The following TNKS variants were observed in gnomAD, a reference collection of about 807,000 sequenced individuals.
The protein encoded by TNKS is tankyrase.
TNKS carries 72 observed loss-of-function variants against 135.8 expected under a neutral mutation model. The observed-to-expected ratio is 0.53, with a 90% CI of 0.44 to 0.64. The LOEUF is 0.64. Ranked by LOEUF, TNKS falls within the 30% of genes least tolerant of loss-of-function variation. The probability of loss-of-function intolerance (pLI) is 0.00; values close to 1 mark genes in which losing one functional copy is unlikely to be tolerated. For missense variants in TNKS, 1,769 were observed against 1,674.0 expected (o/e 1.06, Z -0.99); for synonymous variants, 849 against 649.3 (o/e 1.31, Z -4.68).
At chr8:9,753,333 C>G (rs1247697157) in intron 20 of TNKS, among the ~76,000 whole-genome samples, 8 of 152,270 alleles carry the variant, frequency 5.3e-5, no homozygotes, top group African/African-American at 2.4e-5. Flanking sequence ...AGTACTTAGA[C>G]AACTGCACTT....
At chr8:9,591,207 A>G (rs775438627) in intron 2 of TNKS, among the ~76,000 whole-genome samples, 4 of 152,178 alleles carry the variant, frequency 2.6e-5, no homozygotes, top group Non-Finnish European at 5.9e-5. Flanking sequence ...CCTTTCGTGT[A>G]TGATTCTAGT....
At chr8:9,580,753 T>A (rs1448687204) in intron 2 of TNKS, among the ~76,000 whole-genome samples, 1 of 152,168 alleles carries the variant, frequency 6.6e-6, no homozygotes, top group South Asian at 2.1e-4. Flanking sequence ...ACACTTGAGG[T>A]TGATTCAAGG....
chr8:9,773,564 G>C (rs1808060424), intron 26 of TNKS, among the ~76,000 whole-genome samples: 2 of 152,076 alleles, frequency 1.3e-5, no homozygotes, highest in East Asian at 3.9e-4. Flanking sequence ...TCATAATTGG[G>C]TACAAAGAAA....
intron 3 of TNKS, among the ~76,000 whole-genome samples, chr8:9,664,069 C>G (rs554963850): frequency 2.7e-4 from 41 of 152,328 alleles, no homozygotes; most frequent in African/African-American, 9.9e-4. Flanking sequence ...CATCAGTCGT[C>G]TCATTATATC....
chr8:9,632,739 T>C (rs562687199), intron 3 of TNKS, among the ~76,000 whole-genome samples: 1 of 152,346 alleles, frequency 6.6e-6, no homozygotes, highest in East Asian at 1.9e-4. Flanking sequence ...TATTGTTCTT[T>C]CCTTTTTTGA....
chr8:9,678,339 T>C (rs1802635981), intron 3 of TNKS, among the ~76,000 whole-genome samples: 1 of 152,172 alleles, frequency 6.6e-6, no homozygotes, highest in Admixed American at 6.5e-5. Flanking sequence ...TTAACAAAGG[T>C]AGGTCTTGGG....
chr8:9,643,388 G>A (rs1800792338), intron 3 of TNKS, among the ~76,000 whole-genome samples: 1 of 140,082 alleles, frequency 7.1e-6, no homozygotes, highest in African/African-American at 2.7e-5. Context: ...AGAAGGGACT[G>A]AATTTGCTTT....
At chr8:9,690,140 C>T (rs556983670) in intron 5 of TNKS, among the ~76,000 whole-genome samples, 2 of 152,220 alleles carry the variant, frequency 1.3e-5, no homozygotes, top group African/African-American at 4.8e-5. Context: ...AATGTTGCAC[C>T]TTGAGAGTAC....
intron 1 of TNKS, chr8:9,556,826 T>C (rs1377980738): frequency 1.7e-6 from 1 of 593,452 alleles, no homozygotes; most frequent in African/African-American, 1.9e-5. Context: ...AATTCTTCAG[T>C]GGTTGCACAG....
At chr8:9,680,907 G>T in intron 5 of TNKS, 107 bp downstream of exon 5, 1 of 738,550 alleles carries the variant, frequency 1.4e-6, no homozygotes, top group Non-Finnish European at 2.3e-6. Flanking sequence ...TATTTTAACT[G>T]GCATCTTTTC....
intron 1 of TNKS, among the ~76,000 whole-genome samples, chr8:9,563,453 C>T (rs1453551502): frequency 3.3e-5 from 5 of 151,998 alleles, no homozygotes; most frequent in South Asian, 2.1e-4. Flanking sequence ...GTGAAAGTTT[C>T]CATAGACTAT....
At chr8:9,609,484 G>C (rs964951397) in intron 2 of TNKS, among the ~76,000 whole-genome samples, 1 of 152,136 alleles carries the variant, frequency 6.6e-6, no homozygotes, top group Non-Finnish European at 1.5e-5. Context: ...CCTTACTTTT[G>C]GGGGCCTGTG....
chr8:9,663,494 G>C (rs187298075), intron 3 of TNKS, among the ~76,000 whole-genome samples: 1 of 152,304 alleles, frequency 6.6e-6, no homozygotes, highest in Admixed American at 6.5e-5. Context: ...TCTTCCAACA[G>C]CAGTTAGGTG....
intron 3 of TNKS, among the ~76,000 whole-genome samples, chr8:9,630,649 G>A (rs2128771478): frequency 6.6e-6 from 1 of 152,280 alleles, no homozygotes; most frequent in East Asian, 1.9e-4. Context: ...AATAGAGTAT[G>A]CAATGTCTGG....
chr8:9,742,455 C>G lies in TNKS; in HGVS notation c.2644-5569C>G, dbSNP rs1038073404. Among the ~76,000 whole-genome samples, 4 of 151,752 alleles carry G rather than the reference C, an allele frequency of 2.6e-5. No individual in the cohort carries two copies. In the South Asian group the frequency reaches 6.2e-4, roughly 24 times the overall value. ...TTGGTATTTTCCCTGTTCACGATCT[C>G]TGCTCCGCAAAATAATTTTATTTTA... On this transcript the variant is annotated intron_variant, in intron 17 of 26. Transcript: ENST00000310430.
intron 5 of TNKS, among the ~76,000 whole-genome samples, chr8:9,703,289 G>C (rs1454809379): frequency 6.6e-6 from 1 of 152,164 alleles, no homozygotes; most frequent in African/African-American, 2.4e-5. Flanking sequence ...ACTTAGAATA[G>C]TGCTCAGCTT....
chr8:9,581,558 T>C (rs1798167682), intron 2 of TNKS, among the ~76,000 whole-genome samples: 1 of 152,218 alleles, frequency 6.6e-6, no homozygotes, highest in Non-Finnish European at 1.5e-5. Flanking sequence ...CTTGCTTTTG[T>C]AAATGATAAC....
chr8:9,762,859 C>T (rs192878647), intron 21 of TNKS, among the ~76,000 whole-genome samples: 2,896 of 149,918 alleles, frequency 0.019, 55 homozygotes, highest in African/African-American at 0.052. Flanking sequence ...AAGCCGAGAT[C>T]ACGTCACTGC....
At chr8:9,679,894 A>G (rs922343604) in intron 3 of TNKS, 57 bp from the exon 4 acceptor site, 4 of 1,401,234 alleles carry the variant, frequency 2.9e-6, no homozygotes, top group Non-Finnish European at 1.0e-6. Flanking sequence ...TGCCTACTGC[A>G]TTTCTTAATC....
Sources: gnomAD v4.1 joint callset for allele counts (sites outside exome capture counted in the v4.1 genomes callset) on GRCh38, gnomAD v4.1.1 for gene constraint, MANE v1.5 for transcripts, NCBI Gene and HGNC (gene_info 2026-07-23, HGNC 2026-07-21) for gene names.